PSMA1: variants seen among roughly 807,000 people sequenced by gnomAD.
PSMA1 encodes the protein proteasome subunit alpha type-1.
A neutral mutation model predicts 38.4 loss-of-function variants in PSMA1; 3 were observed. The ratio of observed to expected loss-of-function variants is 0.08; its 90% CI spans 0.04 to 0.20. The LOEUF (loss-of-function observed/expected upper bound fraction) is 0.20, where lower values mean the gene tolerates loss of function less well. Among genes scored for constraint, PSMA1 ranks in the 10% least tolerant of loss-of-function variants. The pLI is 1.00. For synonymous variants in PSMA1, 101 were observed against 107.1 expected (o/e 0.94, Z 0.35); for missense variants, 227 against 325.3 (o/e 0.70, Z 2.32).
chr11:14,530,780 T>C (rs1851638618), intron 2 of PSMA1, among the ~76,000 whole-genome samples: 1 of 151,468 alleles, frequency 6.6e-6, no homozygotes, highest in Non-Finnish European at 1.5e-5. Context: ...TGCACGCCTG[T>C]AATCCTAGCT....
intron 2 of PSMA1, among the ~76,000 whole-genome samples, chr11:14,533,958 A>G (rs1279110078): frequency 6.6e-6 from 1 of 152,058 alleles, no homozygotes; most frequent in Non-Finnish European, 1.5e-5. Flanking sequence ...AGGAGGGTGG[A>G]TCACCTGAGG....
intron 2 of PSMA1, among the ~76,000 whole-genome samples, chr11:14,585,242 T>C (rs907510302): frequency 6.6e-6 from 1 of 152,176 alleles, no homozygotes; most frequent in Non-Finnish European, 1.5e-5. Flanking sequence ...CTGCCAAAGG[T>C]ATAACATTTT....
At chr11:14,511,391 A>C (rs1024808542) in intron 7 of PSMA1, among the ~76,000 whole-genome samples, 1 of 152,192 alleles carries the variant, frequency 6.6e-6, no homozygotes, top group Non-Finnish European at 1.5e-5. Context: ...TGCAAAAACA[A>C]AACAAAACAA....
intron 2 of PSMA1, among the ~76,000 whole-genome samples, chr11:14,546,582 C>T (rs554746940): frequency 2.7e-4 from 41 of 152,090 alleles, no homozygotes; most frequent in Non-Finnish European, 4.7e-4. Context: ...GGATTACAGG[C>T]GTGTGTCACC....
intron 2 of PSMA1, among the ~76,000 whole-genome samples, chr11:14,533,906 C>T (rs1001897537): frequency 3.9e-5 from 6 of 152,070 alleles, no homozygotes; most frequent in South Asian, 4.2e-4. Flanking sequence ...CAAGGCTGGG[C>T]GCAGTGGCTC....
At chr11:14,580,996 A>G (rs775178007) in intron 2 of PSMA1, among the ~76,000 whole-genome samples, 3 of 152,202 alleles carry the variant, frequency 2.0e-5, no homozygotes, top group Non-Finnish European at 4.4e-5. Flanking sequence ...AGAAAGTGTC[A>G]TACTGACACC....
At chr11:14,549,841 A>G (rs1253321186) in intron 2 of PSMA1, among the ~76,000 whole-genome samples, 1 of 152,190 alleles carries the variant, frequency 6.6e-6, no homozygotes, top group African/African-American at 2.4e-5. Context: ...GTCTGGGGCC[A>G]TGAGAATGTG....
intron 4 of PSMA1, among the ~76,000 whole-genome samples, chr11:14,517,368 C>G (rs1851447096): frequency 6.6e-6 from 1 of 152,210 alleles, no homozygotes; most frequent in Non-Finnish European, 1.5e-5. Context: ...TCTTCTTAGA[C>G]ATAACAGGGT....
chr11:14,610,923 T>C, intron 2 of PSMA1: 2 of 1,596,602 alleles, frequency 1.3e-6, no homozygotes, highest in Non-Finnish European at 1.7e-6. Context: ...AGATGTGAAA[T>C]CTATGCATTC....
intron 2 of PSMA1, among the ~76,000 whole-genome samples, chr11:14,579,486 CTTT>C (rs756980966): frequency 9.2e-4 from 103 of 112,480 alleles, no homozygotes; most frequent in African/African-American, 3.3e-3. Context: ...GCTGCAAAGA[CTTT>C]TTTTTTTTTT....
intron 7 of PSMA1, among the ~76,000 whole-genome samples, chr11:14,512,767 C>T (rs1851365616): frequency 6.6e-6 from 1 of 152,200 alleles, no homozygotes; most frequent in Non-Finnish European, 1.5e-5. Flanking sequence ...GGGAGTACAA[C>T]TATATGCTGT....
upstream of PSMA1, among the ~76,000 whole-genome samples, chr11:14,524,539 C>T (rs1851565925): frequency 6.6e-6 from 1 of 152,114 alleles, no homozygotes; most frequent in African/African-American, 2.4e-5. Context: ...AACTCCACTG[C>T]CTATCCCAAA....
At chr11:14,522,470 A>G (rs1483745454), upstream of PSMA1, among the ~76,000 whole-genome samples, 2 of 152,210 alleles carry the variant, frequency 1.3e-5, no homozygotes, top group Non-Finnish European at 2.9e-5. Flanking sequence ...AGTTATATCC[A>G]TTTAATATTC....
chr11:14,513,767 T>C (rs762246133), intron 6 of PSMA1, 50 bp downstream of exon 6: 10 of 1,541,214 alleles, frequency 6.5e-6, no homozygotes, highest in Admixed American at 2.2e-5. Flanking sequence ...TAAAAATTTC[T>C]AGTTAATTAA....
At chr11:14,530,214 G>A (rs1395295378) in intron 2 of PSMA1, among the ~76,000 whole-genome samples, 4 of 152,136 alleles carry the variant, frequency 2.6e-5, no homozygotes, top group African/African-American at 9.7e-5. Flanking sequence ...GGTGTGAGGT[G>A]AGGAAAAAGC....
At chr11:14,640,140 G>T (rs1048106757) in intron 1 of PSMA1, among the ~76,000 whole-genome samples, 3 of 152,188 alleles carry the variant, frequency 2.0e-5, no homozygotes, top group Non-Finnish European at 4.4e-5. Context: ...GTACGTAGGA[G>T]AAGTAAAAGA....
At chr11:14,515,522 T>A (rs1472891117) in intron 4 of PSMA1, among the ~76,000 whole-genome samples, 1 of 152,104 alleles carries the variant, frequency 6.6e-6, no homozygotes, top group African/African-American at 2.4e-5. Flanking sequence ...ATTGCTGACT[T>A]AGAGCAAGGG....
chr11:14,590,270 T>A (rs1026803921), intron 2 of PSMA1, among the ~76,000 whole-genome samples: 2 of 152,238 alleles, frequency 1.3e-5, no homozygotes, highest in African/African-American at 4.8e-5. Flanking sequence ...ATGGTGGTGA[T>A]GGCTTGCACC....
At chr11:14,540,204 A>G (rs1327030437) in intron 2 of PSMA1, among the ~76,000 whole-genome samples, 2 of 152,116 alleles carry the variant, frequency 1.3e-5, no homozygotes, top group African/African-American at 2.4e-5. Flanking sequence ...CTGGCCCACA[A>G]ATGCACAAAG....
Sources: gnomAD v4.1 joint callset for allele counts (sites outside exome capture counted in the v4.1 genomes callset) on GRCh38, gnomAD v4.1.1 for gene constraint, MANE v1.5 for transcripts, NCBI Gene and HGNC (gene_info 2026-07-23, HGNC 2026-07-21) for gene names.